SLC12A7: variants seen among roughly 807,000 people sequenced by gnomAD.
SLC12A7 encodes the protein solute carrier family 12 member 7.
A neutral mutation model predicts 120.6 loss-of-function variants in SLC12A7; 100 were observed. The observed-to-expected ratio is 0.83, with a 90% CI of 0.71 to 0.98. SLC12A7 has a LOEUF of 0.98. SLC12A7 is among the 50% of genes least tolerant of loss of function. The pLI is 0.00. For synonymous variants in SLC12A7, 760 were observed against 678.0 expected, an observed-to-expected ratio of 1.12 and a Z score of -1.88; for missense variants, 1,373 against 1,548.1, an observed-to-expected ratio of 0.89 and a Z score of 1.90.
the SLC12A7 span, among the ~76,000 whole-genome samples, chr5:1,117,811 C>T: frequency 6.6e-6 from 1 of 152,228 alleles, no homozygotes; most frequent in African/African-American, 2.4e-5. The surrounding 1 kb of genome is among the most constrained non-coding windows in gnomAD (Gnocchi z 4.5). Flanking sequence ...GTAGCTCACG[C>T]CTGTAGTCCC....
intron 6 of SLC12A7, among the ~76,000 whole-genome samples, chr5:1,085,838 A>G (rs1243151240): frequency 6.6e-6 from 1 of 152,206 alleles, no homozygotes; most frequent in Non-Finnish European, 1.5e-5. Context: ...CCGCACTCAA[A>G]AGAAACACCT....
chr5:1,086,560 G>T (rs2150863767), intron 6 of SLC12A7, among the ~76,000 whole-genome samples: 1 of 152,344 alleles, frequency 6.6e-6, no homozygotes, highest in South Asian at 2.1e-4. Flanking sequence ...CTGGCAAAAG[G>T]TTCTTCTAAG....
chr5:1,057,023 G>A (rs1035267656), intron 22 of SLC12A7, among the ~76,000 whole-genome samples: 7 of 152,234 alleles, frequency 4.6e-5, no homozygotes, highest in Non-Finnish European at 1.0e-4. Flanking sequence ...AGTGAGGCTT[G>A]CCTGAGTAAA....
intron 9 of SLC12A7, among the ~76,000 whole-genome samples, chr5:1,080,114 A>T (rs890227915): frequency 6.6e-6 from 1 of 150,782 alleles, no homozygotes; most frequent in Non-Finnish European, 1.5e-5. Context: ...CCCACAATCC[A>T]GTGCCGCGGA....
the SLC12A7 span, among the ~76,000 whole-genome samples, chr5:1,132,035 G>C: frequency 2.6e-5 from 4 of 152,180 alleles, no homozygotes; most frequent in Admixed American, 6.5e-5. Flanking sequence ...AAGGTGAGAC[G>C]GGACGACCGC....
chr5:1,081,426 G>A, intron 9 of SLC12A7, 151 bp downstream of exon 9: 1 of 782,090 alleles, frequency 1.3e-6, no homozygotes, highest in African/African-American at 1.7e-5. Flanking sequence ...GGGAGACTCA[G>A]GTGGGAGGAA....
chr5:1,060,373 G>C lies in SLC12A7; in HGVS notation c.2818C>G (p.Gln940Glu). 6.2e-7 allele frequency: 1 copy of C among 1,613,618 alleles called. No homozygotes were observed. Among genetic ancestry groups the C allele is most frequent in the Middle Eastern group, 1.7e-4 (1 of 6,038 alleles). Residue 940 changes from glutamine (Q) to glutamate (E), a missense_variant, in exon 21 of 24, where the codon CAG (glutamine) becomes GAG (glutamate). By Grantham distance (29) the Gln-to-Glu change is conservative (BLOSUM62 2). Coordinates refer to ENST00000264930, the MANE Select transcript of SLC12A7 (RefSeq NM_006598.3). Reference protein sequence around the residue: ...EQRSQMLKQMQLSKNEQEREA... With the variant: ...EQRSQMLKQMELSKNEQEREA... ...CGCTCCTGCTCGTTCTTGGACAGCT[G>C]CATCTGCTTCAGCATCTGCGACCTC...
At chr5:1,122,002 G>C in the SLC12A7 span, among the ~76,000 whole-genome samples, 1 of 152,188 alleles carries the variant, frequency 6.6e-6, no homozygotes, top group Admixed American at 6.5e-5. Context: ...TGGGTTCCCT[G>C]AGGCGGGGCT....
rs373543933 is a variant in SLC12A7 at position 1,073,240 on chromosome 5, CG to C, written c.2241+392del. 2.2e-4 allele frequency among the ~76,000 whole-genome samples: 12 copies of C among 53,712 alleles called. 4 individuals are homozygous for C. The highest frequency in any genetic ancestry group is 1.7e-3 in the African/African-American group (11 of 6,506). The allele number at this position is 53,712 out of a possible 152,430, so 35.2% of individuals were successfully genotyped here. A position where few individuals can be genotyped will look rare whatever the true frequency, so the allele number is the denominator to read the frequency against. Reference sequence around the variant, plus strand: ...CAGCCCCCAGTGAGCCCCCAGCACACGGGCATCACACTTATGCAGCCCCCAG... The same window carrying C: ...CAGCCCCCAGTGAGCCCCCAGCACACGGCATCACACTTATGCAGCCCCCAG... On this transcript the variant is annotated intron_variant, in intron 17 of 23. Transcript: ENST00000264930.
chr5:1,126,632 TC>T, the SLC12A7 span, among the ~76,000 whole-genome samples: 1 of 152,206 alleles, frequency 6.6e-6, no homozygotes, highest in Non-Finnish European at 1.5e-5. Context: ...ATCCTTCCCC[TC>T]CTCCCACTCT....
At chr5:1,097,338 C>A (rs1316933491) in intron 1 of SLC12A7, among the ~76,000 whole-genome samples, 1 of 152,210 alleles carries the variant, frequency 6.6e-6, no homozygotes, top group African/African-American at 2.4e-5. Context: ...ACCGCAGCGT[C>A]TCCTCTGCGC....
chr5:1,115,790 G>A (rs964275894), upstream of SLC12A7, among the ~76,000 whole-genome samples: 1 of 149,128 alleles, frequency 6.7e-6, no homozygotes, highest in Admixed American at 6.6e-5. Context: ...TGGTGAGTGG[G>A]GGAGAGAGCG....
the SLC12A7 span, among the ~76,000 whole-genome samples, chr5:1,146,054 TC>T: frequency 6.6e-6 from 1 of 152,134 alleles, no homozygotes; most frequent in Non-Finnish European, 1.5e-5. The surrounding 1 kb of genome is among the most constrained non-coding windows in gnomAD (Gnocchi z 6.5). Flanking sequence ...CCGTTCTGCC[TC>T]CGTCTCCCAG....
At chr5:1,099,719 T>G (rs1741812792) in intron 1 of SLC12A7, among the ~76,000 whole-genome samples, 1 of 152,214 alleles carries the variant, frequency 6.6e-6, no homozygotes, top group African/African-American at 2.4e-5. Context: ...ATCACAGCCG[T>G]GGCCTGCCCA....
the SLC12A7 span, among the ~76,000 whole-genome samples, chr5:1,135,697 C>T: frequency 2.0e-5 from 3 of 152,292 alleles, no homozygotes; most frequent in Admixed American, 6.5e-5. Context: ...GACAGTGTGA[C>T]GATATTCCTG....
chr5:1,149,433 C>T, the SLC12A7 span, among the ~76,000 whole-genome samples: 1 of 151,874 alleles, frequency 6.6e-6, no homozygotes, highest in African/African-American at 2.4e-5. Context: ...AAAAATTAGC[C>T]AGGCGTGGTG....
chr5:1,077,708 A>G, intron 12 of SLC12A7, 125 bp downstream of exon 12: 1 of 1,044,490 alleles, frequency 9.6e-7, no homozygotes, highest in South Asian at 1.7e-5. Context: ...CAGGGGCAGA[A>G]TGACCACCAT....
At position 1,079,324 on chromosome 5, in the gene SLC12A7, C is replaced by T. The variant is rs1326948632; in HGVS notation, c.1396+74G>A. 6 of 1,191,730 alleles carry T rather than the reference C, an allele frequency of 5.0e-6. 1 individual carries two copies. The Middle Eastern group carries it at 6.5e-4, about 129-fold the overall frequency. 73.8% of individuals were successfully genotyped at this position (1,191,730 alleles called of 1,614,324 possible). On this transcript the variant is annotated intron_variant, in intron 10 of 23. Coordinates refer to ENST00000264930, the MANE Select transcript of SLC12A7 (RefSeq NM_006598.3). ...CATGCTGGTGGCCGAGGGTATGATG[C>T]TGAGCCGGGGAGGGCATGGGGGCCT...
At chr5:1,138,043 A>T in the SLC12A7 span, among the ~76,000 whole-genome samples, 3 of 152,178 alleles carry the variant, frequency 2.0e-5, no homozygotes, top group African/African-American at 7.2e-5. Context: ...AGAAGTGGTC[A>T]CGCTGTGTCC....
Sources: allele counts gnomAD v4.1 joint callset (sites outside exome capture counted in the v4.1 genomes callset), GRCh38; gene constraint gnomAD v4.1.1; non-coding constraint Gnocchi (gnomAD v3.1); transcripts MANE v1.5; gene names NCBI Gene and HGNC (gene_info 2026-07-23, HGNC 2026-07-21).